The following ARF3 variants were observed in gnomAD, a reference collection of about 807,000 sequenced individuals.
ARF3 encodes ARF GTPase 3.
ARF3 carries 5 observed loss-of-function variants against 19.3 expected under a neutral mutation model. That is an observed-to-expected ratio of 0.26 (90% confidence interval 0.14 to 0.54). The LOEUF is 0.54. Ranked by LOEUF, ARF3 falls within the 20% of genes least tolerant of loss-of-function variation. ARF3 has a pLI of 0.95. For synonymous variants in ARF3, 71 were observed against 89.2 expected, an observed-to-expected ratio of 0.80 and a Z score of 1.15; for missense variants, 77 against 234.2, an observed-to-expected ratio of 0.33 and a Z score of 4.38.
intron 1 of ARF3, among the ~76,000 whole-genome samples, chr12:48,942,599 T>C (rs1385373833): frequency 6.6e-6 from 1 of 152,228 alleles, no homozygotes; most frequent in Non-Finnish European, 1.5e-5. Flanking sequence ...TATCACCATC[T>C]GATACATTAT....
chr12:48,954,354 G>A (rs900221696), intron 1 of ARF3, among the ~76,000 whole-genome samples: 1 of 152,208 alleles, frequency 6.6e-6, no homozygotes, highest in Non-Finnish European at 1.5e-5. Flanking sequence ...ACCTCAGGCA[G>A]CAAGTTGTTC....
intron 2 of ARF3, among the ~76,000 whole-genome samples, 200 bp downstream of exon 2, chr12:48,940,748 C>A (rs1353636487): frequency 1.3e-5 from 2 of 152,232 alleles, no homozygotes; most frequent in East Asian, 3.8e-4. Context: ...GAAGTTCCCG[C>A]ATCAGGGAGA....
At position 48,938,829 on chromosome 12, in the gene ARF3, G is replaced by T; in HGVS notation, c.*118C>A. 1 of 1,344,890 alleles carries T rather than the reference G, an allele frequency of 7.4e-7. No individual in the cohort carries two copies. The highest frequency in any genetic ancestry group is 1.0e-6 in the Non-Finnish European group (1 of 986,790). The allele number at this position is 1,344,890 out of a possible 1,614,324, so 83.3% of individuals were successfully genotyped here. On this transcript the variant is annotated 3_prime_UTR_variant, in exon 5 of 5. Coordinates refer to ENST00000256682, the MANE Select transcript of ARF3 (RefSeq NM_001659.3). Reference sequence around the variant, plus strand: ...GAGGCAAGGCTCTTGCTGGGCATGTGGACATGATACCCAGGGCCCTGGCCA... The same window carrying T: ...GAGGCAAGGCTCTTGCTGGGCATGTTGACATGATACCCAGGGCCCTGGCCA...
At chr12:48,946,123 AT>A (rs1940354433) in intron 1 of ARF3, among the ~76,000 whole-genome samples, 1 of 152,140 alleles carries the variant, frequency 6.6e-6, no homozygotes. Context: ...TTTAAGTATA[AT>A]CTGGAGCTTG....
rs1020246685 is a variant in ARF3 at position 48,939,960 on chromosome 12, C to G, written c.259+37G>C. The G allele has an allele frequency of 5.6e-6, 9 of 1,602,572 alleles. No individual in the cohort carries two copies. Among genetic ancestry groups the G allele is most frequent in the Admixed American group, 5.0e-5 (3 of 59,978 alleles). ...TTAACAAAGACAGCCACACTCTCTGCTCATACCCAACCAACCCACGCTAGG... is the reference window on the plus strand; with the variant it reads ...TTAACAAAGACAGCCACACTCTCTGGTCATACCCAACCAACCCACGCTAGG... On this transcript the variant is annotated intron_variant, in intron 3 of 4. Transcript: ENST00000256682. The surrounding 1 kb of genome is among the most constrained non-coding windows in gnomAD (Gnocchi z 4.8).
chr12:48,953,844 T>G (rs551254682), intron 1 of ARF3, among the ~76,000 whole-genome samples: 2 of 152,244 alleles, frequency 1.3e-5, no homozygotes, highest in Non-Finnish European at 2.9e-5. Flanking sequence ...ATAGTTTTAT[T>G]AGCACTCTAT....
At chr12:48,949,488 G>C (rs1940424764) in intron 1 of ARF3, among the ~76,000 whole-genome samples, 1 of 152,146 alleles carries the variant, frequency 6.6e-6, no homozygotes, top group African/African-American at 2.4e-5. Context: ...GCCTCCCAAA[G>C]TGCTGGGATT....
At chr12:48,946,536 A>G (rs913605096) in intron 1 of ARF3, among the ~76,000 whole-genome samples, 15 of 152,226 alleles carry the variant, frequency 9.9e-5, no homozygotes, top group Admixed American at 9.2e-4. Context: ...TGTTAAAAAG[A>G]TATCTGCAGG....
intron 1 of ARF3, among the ~76,000 whole-genome samples, chr12:48,955,418 G>A (rs532785567): frequency 8.5e-5 from 13 of 152,306 alleles, no homozygotes; most frequent in South Asian, 8.3e-4. Context: ...TGGGGAAGCA[G>A]GAAATCTGGG....
chr12:48,957,156 G>C (rs1341541366), intron 1 of ARF3, 154 bp downstream of exon 1: 3 of 149,338 alleles, frequency 2.0e-5, no homozygotes, highest in African/African-American at 7.5e-5. Context: ...AAGCTGGCCC[G>C]ACGCACCCTC....
chr12:48,941,164 G>C lies in ARF3; in HGVS notation c.-69C>G. On this transcript the variant is annotated 5_prime_UTR_variant, in exon 2 of 5. Coordinates refer to ENST00000256682, the MANE Select transcript of ARF3 (RefSeq NM_001659.3). ...GGCAGTGGCAGTCTGGTTTTGGCCT[G>C]GTCCCTGGTATGGAAGACTTGATCC... is the stretch of plus-strand genomic sequence containing the variant. 1 of 1,505,750 alleles carries C rather than the reference G, an allele frequency of 6.6e-7. No homozygotes were observed. Among genetic ancestry groups the C allele is most frequent in the Non-Finnish European group, 9.0e-7 (1 of 1,113,704 alleles). The allele number at this position is 1,505,750 out of a possible 1,614,324, so 93.3% of individuals were successfully genotyped here. A position where few individuals can be genotyped will look rare whatever the true frequency, so the allele number is the denominator to read the frequency against.
chr12:48,949,225 T>TTTG (rs1290241121), intron 1 of ARF3, among the ~76,000 whole-genome samples: 1 of 152,018 alleles, frequency 6.6e-6, no homozygotes, highest in African/African-American at 2.4e-5. Flanking sequence ...TGTTTGTTTG[T>TTTG]TTGTTGTTGT....
intron 1 of ARF3, among the ~76,000 whole-genome samples, chr12:48,955,387 G>T (rs1940544708): frequency 6.6e-6 from 1 of 152,172 alleles, no homozygotes. Flanking sequence ...AGGTCTGATG[G>T]AGAGACCCCT....
chr12:48,942,616 A>G (rs1361367337), intron 1 of ARF3, among the ~76,000 whole-genome samples: 1 of 152,054 alleles, frequency 6.6e-6, no homozygotes, highest in East Asian at 1.9e-4. Flanking sequence ...TTATATATTT[A>G]TTTCTTGCTG....
intron 1 of ARF3, among the ~76,000 whole-genome samples, chr12:48,944,868 G>T (rs1445836964): frequency 3.9e-5 from 6 of 152,176 alleles, no homozygotes; most frequent in Non-Finnish European, 8.8e-5. Flanking sequence ...CTAAATAGCT[G>T]GCCAGGCATG....
At position 48,941,076 on chromosome 12, in the gene ARF3, T is replaced by C; in HGVS notation, c.20A>G (p.Asn7Ser). The C allele has an allele frequency of 6.2e-7, 1 of 1,613,294 alleles. No individual in the cohort carries two copies. The highest frequency in any genetic ancestry group is 8.5e-7 in the Non-Finnish European group (1 of 1,179,692). Reference protein sequence around the residue: MGNIFGNLLKSLIGKKE... With the variant: MGNIFGSLLKSLIGKKE... ...CTTCCCAATCAGGCTCTTGAGAAGG[T>C]TTCCAAAGATATTGCCCATGATCAC... Residue 7 changes from asparagine to serine, a missense_variant, in exon 2 of 5, where the codon AAC (asparagine) becomes AGC (serine). Asn to Ser is a conservative substitution (Grantham distance 46). This residue lies in a region of ARF3 where 9 missense variants were observed against 16.4 expected (regional missense o/e 0.55). Coordinates refer to ENST00000256682, the MANE Select transcript of ARF3 (RefSeq NM_001659.3).
chr12:48,947,887 T>G (rs1034159476), intron 1 of ARF3, among the ~76,000 whole-genome samples: 2 of 150,294 alleles, frequency 1.3e-5, no homozygotes, highest in Non-Finnish European at 3.0e-5. Flanking sequence ...AAAGAGGGAG[T>G]TGGGCAGGGG....
At chr12:48,951,805 C>T (rs920238086) in intron 1 of ARF3, among the ~76,000 whole-genome samples, 3 of 151,378 alleles carry the variant, frequency 2.0e-5, no homozygotes, top group Non-Finnish European at 2.9e-5. Context: ...TTTGAACCTG[C>T]GAGGTGGAGG....
chr12:48,943,661 G>A (rs1940305617), intron 1 of ARF3, among the ~76,000 whole-genome samples: 2 of 152,192 alleles, frequency 1.3e-5, no homozygotes, highest in Admixed American at 1.3e-4. Flanking sequence ...TAGTGCAACT[G>A]AGCCAGATCA....
Sources: allele counts gnomAD v4.1 joint callset (sites outside exome capture counted in the v4.1 genomes callset), GRCh38; gene constraint gnomAD v4.1.1; regional missense constraint gnomAD v4.1.1; non-coding constraint Gnocchi (gnomAD v3.1); transcripts MANE v1.5; gene names NCBI Gene and HGNC (gene_info 2026-07-23, HGNC 2026-07-21).